TDRD1: variants seen among roughly 807,000 people sequenced by gnomAD.
TDRD1 encodes tudor domain containing 1, also known as tudor domain-containing protein 1.
A neutral mutation model predicts 140.6 loss-of-function variants in TDRD1; 37 were observed. The observed-to-expected ratio is 0.26, with a 90% CI of 0.20 to 0.35. TDRD1 has a LOEUF of 0.35. TDRD1 is among the 10% of genes least tolerant of loss of function. The pLI is 1.00. For missense variants in TDRD1, 1,243 were observed against 1,393.0 expected, an observed-to-expected ratio of 0.89 and a Z score of 1.71; for synonymous variants, 506 against 475.7, an observed-to-expected ratio of 1.06 and a Z score of -0.83.
At position 114,210,514 on chromosome 10, in the gene TDRD1, G is replaced by A. The variant is rs188898494; in HGVS notation, c.1385-67G>A. 170 of 1,434,718 alleles carry A rather than the reference G, an allele frequency of 1.2e-4. 1 individual carries two copies. In the African/African-American group the frequency reaches 1.6e-3, roughly 13 times the overall value. 88.9% of individuals were successfully genotyped at this position (1,434,718 alleles called of 1,614,324 possible). On this transcript the variant is annotated intron_variant, in intron 11 of 25. Coordinates refer to ENST00000251864, the Ensembl canonical transcript of TDRD1. ...ATATTCGTTTTAAAATGATTAAAGC[G>A]TGCATAATTTTTTTTTTACTTTGGA...
rs745846290 is a variant in TDRD1, at chr10:114,228,035, C to T, written c.3451-3C>T. ...AATCATATGGTTTCTTTTTCACCCA[C>T]AGGTTGAAAAACATGAACATATTCT... On this transcript the variant is annotated splice_polypyrimidine_tract_variant and splice_region_variant and intron_variant, in intron 24 of 25. Coordinates refer to ENST00000251864, the Ensembl canonical transcript of TDRD1. 10 of 1,609,204 alleles carry T rather than the reference C, an allele frequency of 6.2e-6. No individual in the cohort carries two copies. In the African/African-American group the frequency reaches 8.0e-5, roughly 13 times the overall value.
chr10:114,211,195 A>G (rs1206584643), intron 13 of TDRD1, among the ~76,000 whole-genome samples: 1 of 152,094 alleles, frequency 6.6e-6, no homozygotes, highest in Non-Finnish European at 1.5e-5. Flanking sequence ...AAGGAGGTGG[A>G]GATATAAAGG....
At chr10:114,213,400 A>C in exon 15 of TDRD1, 2 of 1,614,044 alleles carry the variant, frequency 1.2e-6, no homozygotes, top group Non-Finnish European at 1.7e-6. Flanking sequence ...CTCATGAAAA[A>C]ACTTGTACAG....
chr10:114,177,613 TA>T (rs2032725608), upstream of TDRD1, among the ~76,000 whole-genome samples: 1 of 152,130 alleles, frequency 6.6e-6, no homozygotes, highest in African/African-American at 2.4e-5. Context: ...AAACTAAATG[TA>T]ATATGATATC....
intron 1 of TDRD1, among the ~76,000 whole-genome samples, chr10:114,185,882 C>T (rs1243097087): frequency 6.6e-6 from 1 of 152,236 alleles, no homozygotes; most frequent in Non-Finnish European, 1.5e-5. Flanking sequence ...AGCCACCGTG[C>T]CTGGCCTAAC....
At chr10:114,208,066 A>G (rs932673654) in intron 11 of TDRD1, among the ~76,000 whole-genome samples, 21 of 152,146 alleles carry the variant, frequency 1.4e-4, no homozygotes, top group African/African-American at 4.8e-4. Flanking sequence ...ATGTTGCAAG[A>G]AAACGAACAT....
chr10:114,220,019 C>T (rs1276016938), intron 18 of TDRD1, among the ~76,000 whole-genome samples: 1 of 152,178 alleles, frequency 6.6e-6, no homozygotes, highest in African/African-American at 2.4e-5. Context: ...AGACCCAGAC[C>T]TACCAAAATT....
At position 114,218,589 on chromosome 10, in the gene TDRD1, G is replaced by A; in HGVS notation, c.2494+5G>A. ...GAATACGGTGCCAGTTAGCAGGTATGGTATACAATAAGAAACTTTCTCAAC... is the reference window on the plus strand; with the variant it reads ...GAATACGGTGCCAGTTAGCAGGTATAGTATACAATAAGAAACTTTCTCAAC... On this transcript the variant is annotated splice_donor_5th_base_variant and intron_variant, in intron 18 of 25. Transcript: ENST00000251864. 6.4e-7 allele frequency: 1 copy of A among 1,574,298 alleles called. No individual in the cohort carries two copies. Among genetic ancestry groups the A allele is most frequent in the Non-Finnish European group, 8.6e-7 (1 of 1,156,912 alleles).
downstream of TDRD1, chr10:114,232,342 G>A (rs867130156): frequency 2.0e-5 from 3 of 150,076 alleles, no homozygotes; most frequent in Middle Eastern, 3.4e-3. Context: ...TATTTTTCCT[G>A]AAGCATGAAA....
In TDRD1 at chr10:114,190,841, C is replaced by T. The variant is rs150396599; in HGVS notation, c.326-120C>T. 538 of 930,774 alleles carry T rather than the reference C, an allele frequency of 5.8e-4. No individual in the cohort carries two copies. The African/African-American group carries it at 7.2e-3, about 12-fold the overall frequency. 57.7% of individuals were successfully genotyped at this position (930,774 alleles called of 1,614,324 possible). ...GGATGTTGCTTATGTTCTGGTGTAG[C>T]TATAAGGTCATTGTGGTATAGCCCT... On this transcript the variant is annotated intron_variant, in intron 2 of 25. Coordinates refer to ENST00000251864, the Ensembl canonical transcript of TDRD1.
At chr10:114,222,054 A>C (rs1019731710) in intron 20 of TDRD1, among the ~76,000 whole-genome samples, 1 of 152,140 alleles carries the variant, frequency 6.6e-6, no homozygotes, top group Non-Finnish European at 1.5e-5. Context: ...TTTAAAGCTG[A>C]AAAAATGAAA....
chr10:114,182,045 A>G lies in TDRD1; in HGVS notation c.-7+2629A>G, dbSNP rs540743317. The stretch of plus-strand genomic sequence containing the variant: ...TGAACGTTTTATCTGGATTCACAGT[A>G]GTACTGGCCACCTGCTCCAAAAGTT... On this transcript the variant is annotated intron_variant, in intron 1 of 25. Coordinates refer to ENST00000251864, the Ensembl canonical transcript of TDRD1. 2.2e-4 allele frequency among the ~76,000 whole-genome samples: 34 copies of G among 152,302 alleles called. No individual in the cohort carries two copies. In the South Asian group the frequency reaches 7.0e-3, roughly 32 times the overall value.
At chr10:114,202,193 A>C in intron 5 of TDRD1, 45 bp from the exon 6 acceptor site, 2 of 1,486,440 alleles carry the variant, frequency 1.3e-6, no homozygotes, top group Non-Finnish European at 1.8e-6. Flanking sequence ...CCCTATGTTA[A>C]TTGCCTCTGT....
At chr10:114,228,249 A>G in intron 25 of TDRD1, 1 of 1,441,144 alleles carries the variant, frequency 6.9e-7, no homozygotes, top group South Asian at 1.6e-5. Context: ...TTCGTGATTT[A>G]ATGACCTGAG....
At position 114,227,836 on chromosome 10, in the gene TDRD1, A is replaced by G. The variant is rs2036527542; in HGVS notation, c.3404-74A>G. 8 of 1,178,556 alleles carry G rather than the reference A, an allele frequency of 6.8e-6. No homozygotes were observed. The Admixed American group carries it at 6.9e-5, about 10-fold the overall frequency. The allele number at this position is 1,178,556 out of a possible 1,614,324, so 73.0% of individuals were successfully genotyped here. A position where few individuals can be genotyped will look rare whatever the true frequency, so the allele number is the denominator to read the frequency against. On this transcript the variant is annotated intron_variant, in intron 23 of 25. Coordinates refer to ENST00000251864, the Ensembl canonical transcript of TDRD1. ...ATGCGCAAGGGGGAGAGCTATCTGT[A>G]TATGTTTACACTCCCAAGTTTTTCT...
chr10:114,226,325 T>G (rs2036435503), intron 22 of TDRD1, 109 bp downstream of exon 22: 5 of 678,224 alleles, frequency 7.4e-6, no homozygotes, highest in Non-Finnish European at 1.2e-5. Context: ...GTAACTGCCT[T>G]AATGTTTTTA....
intron 2 of TDRD1, among the ~76,000 whole-genome samples, chr10:114,188,769 A>T (rs2033737475): frequency 6.6e-6 from 1 of 151,836 alleles, no homozygotes; most frequent in Non-Finnish European, 1.5e-5. Context: ...AGGCAGGAGA[A>T]TCGCTTGAAC....
chr10:114,196,669 C>A (rs1296137828), intron 3 of TDRD1, among the ~76,000 whole-genome samples: 2 of 151,812 alleles, frequency 1.3e-5, no homozygotes, highest in South Asian at 2.1e-4. Context: ...AATTTCCCCC[C>A]CCATACAGGT....
intron 25 of TDRD1, chr10:114,231,428 C>T: frequency 7.3e-7 from 1 of 1,371,170 alleles, no homozygotes; most frequent in Non-Finnish European, 1.0e-6. Context: ...AATTAAAAGC[C>T]ATAGCAATTG....
Sources: gnomAD v4.1 joint callset for allele counts (sites outside exome capture counted in the v4.1 genomes callset) on GRCh38, gnomAD v4.1.1 for gene constraint, MANE v1.5 for transcripts, NCBI Gene and HGNC (gene_info 2026-07-23, HGNC 2026-07-21) for gene names.